Variants in PSD2 observed in about 807,000 individuals in gnomAD.
PSD2 encodes the protein PH and SEC7 domain-containing protein 2.
Under a neutral mutation model 69.8 loss-of-function variants are expected in PSD2, and 38 were observed. The observed-to-expected ratio is 0.54, with a 90% CI of 0.42 to 0.71. The LOEUF (loss-of-function observed/expected upper bound fraction) is 0.71. Ranked by LOEUF, PSD2 falls within the 30% of genes least tolerant of loss-of-function variation. PSD2 has a pLI of 0.00. For synonymous variants in PSD2, 412 were observed against 423.0 expected (o/e 0.97, Z 0.32); for missense variants, 943 against 1,014.5 (o/e 0.93, Z 0.96).
At chr5:139,835,554 T>A (rs971947688) in intron 8 of PSD2, among the ~76,000 whole-genome samples, 169 bp from the exon 9 acceptor site, 2 of 152,128 alleles carry the variant, frequency 1.3e-5, no homozygotes, top group African/African-American at 4.8e-5. Flanking sequence ...CATCCGTACA[T>A]CCACCCACCC....
Position 139,814,427 on chromosome 5 carries a change from G to A in PSD2, c.1016+63G>A. ...CCTCGTGTCTTCCTCAACCTGAAGA[G>A]GGTGTGGGTGACCTTCTTCAGGGGT... On this transcript the variant is annotated intron_variant, in intron 4 of 14. Transcript: ENST00000274710. The surrounding 1 kb of genome is among the most constrained non-coding windows in gnomAD (Gnocchi z 4.4). The A allele has an allele frequency of 1.4e-6, 2 of 1,453,420 alleles. No individual in the cohort carries two copies. The highest frequency in any genetic ancestry group is 1.4e-5 in the South Asian group (1 of 69,590). 90.0% of individuals were successfully genotyped at this position (1,453,420 alleles called of 1,614,324 possible).
At chr5:139,742,740 C>T in the PSD2 span, among the ~76,000 whole-genome samples, 1 of 152,250 alleles carries the variant, frequency 6.6e-6, no homozygotes, top group Non-Finnish European at 1.5e-5. Context: ...GTGAGTGTGC[C>T]ACATTGTGTG....
At chr5:139,746,459 C>T in the PSD2 span, among the ~76,000 whole-genome samples, 25 of 152,206 alleles carry the variant, frequency 1.6e-4, no homozygotes, top group Non-Finnish European at 2.9e-4. The surrounding 1 kb of genome is among the most constrained non-coding windows in gnomAD (Gnocchi z 4.5). Flanking sequence ...CTGCCGCAGG[C>T]TACCTGGGCC....
At chr5:139,834,269 G>A (rs928821223) in intron 8 of PSD2, among the ~76,000 whole-genome samples, 2 of 151,998 alleles carry the variant, frequency 1.3e-5, no homozygotes, top group Non-Finnish European at 2.9e-5. Flanking sequence ...TTGGTGGCTC[G>A]GTGATGGGCT....
At chr5:139,762,848 G>T in the PSD2 span, among the ~76,000 whole-genome samples, 3 of 152,158 alleles carry the variant, frequency 2.0e-5, no homozygotes, top group Admixed American at 2.0e-4. Flanking sequence ...AGAGAGGGGA[G>T]GCAAAGGTTG....
At chr5:139,840,326 A>T (rs1168168545) in intron 14 of PSD2, among the ~76,000 whole-genome samples, 156 bp downstream of exon 14, 2 of 152,174 alleles carry the variant, frequency 1.3e-5, no homozygotes, top group Non-Finnish European at 2.9e-5. Context: ...TTTAGTCCCC[A>T]GTCCTTCCAG....
the PSD2 span, among the ~76,000 whole-genome samples, chr5:139,747,118 A>C: frequency 6.8e-6 from 1 of 147,500 alleles, no homozygotes; most frequent in Non-Finnish European, 1.5e-5. The surrounding 1 kb of genome is among the most constrained non-coding windows in gnomAD (Gnocchi z 6.7). Context: ...CTCCATCTCC[A>C]TTTCTTTCTC....
chr5:139,825,911 T>A (rs974245541), intron 7 of PSD2, among the ~76,000 whole-genome samples: 1 of 152,168 alleles, frequency 6.6e-6, no homozygotes, highest in Non-Finnish European at 1.5e-5. Context: ...GGCCAAGTCC[T>A]GGGGCTCAGC....
upstream of PSD2, among the ~76,000 whole-genome samples, chr5:139,793,398 G>C (rs1010455092): frequency 6.6e-6 from 1 of 152,244 alleles, no homozygotes; most frequent in Non-Finnish European, 1.5e-5. Context: ...CCACTTGACG[G>C]AGGGGAAAGG....
upstream of PSD2, among the ~76,000 whole-genome samples, chr5:139,793,226 G>A (rs1339683879): frequency 1.3e-5 from 2 of 152,100 alleles, no homozygotes; most frequent in African/African-American, 4.8e-5. Flanking sequence ...TTACAGGCGT[G>A]AGCCACCATT....
chr5:139,833,407 C>G (rs1319817667), intron 7 of PSD2, among the ~76,000 whole-genome samples: 1 of 152,084 alleles, frequency 6.6e-6, no homozygotes, highest in Non-Finnish European at 1.5e-5. Flanking sequence ...AGCACAAGAC[C>G]TGGAACATAG....
At chr5:139,768,297 C>T in the PSD2 span, among the ~76,000 whole-genome samples, 2 of 152,204 alleles carry the variant, frequency 1.3e-5, no homozygotes, top group African/African-American at 4.8e-5. Context: ...CTCTGGACTC[C>T]AGGCTGAGAG....
chr5:139,793,572 C>T (rs1002352088), upstream of PSD2, among the ~76,000 whole-genome samples: 1 of 152,166 alleles, frequency 6.6e-6, no homozygotes, highest in African/African-American at 2.4e-5. Context: ...TGTGTGCCAG[C>T]CCAGCGCAAG....
the PSD2 span, among the ~76,000 whole-genome samples, chr5:139,762,448 C>T: frequency 6.6e-6 from 1 of 152,194 alleles, no homozygotes; most frequent in African/African-American, 2.4e-5. Flanking sequence ...TCAAACGATC[C>T]TCCCACCTCA....
At chr5:139,818,202 C>A (rs1025020707) in intron 5 of PSD2, among the ~76,000 whole-genome samples, 4 of 152,096 alleles carry the variant, frequency 2.6e-5, no homozygotes, top group African/African-American at 9.7e-5. Flanking sequence ...GTGACTCATG[C>A]ACGTTAGACA....
chr5:139,814,125 C>T lies in PSD2; in HGVS notation c.822-45C>T. 1.3e-6 allele frequency: 2 copies of T among 1,594,212 alleles called. No homozygotes were observed. Among genetic ancestry groups the T allele is most frequent in the East Asian group, 4.5e-5 (2 of 44,620 alleles). Reference sequence around the variant, plus strand: ...TCCCAGCCTCCTCTGGGGCCTTTGACCCTGGGCCTCTGACGCTACTCTTCC... The same window carrying T: ...TCCCAGCCTCCTCTGGGGCCTTTGATCCTGGGCCTCTGACGCTACTCTTCC... On this transcript the variant is annotated intron_variant, in intron 3 of 14. Transcript: ENST00000274710. The surrounding 1 kb of genome is among the most constrained non-coding windows in gnomAD (Gnocchi z 4.4).
the PSD2 span, among the ~76,000 whole-genome samples, chr5:139,748,400 C>T: frequency 3.9e-5 from 6 of 152,276 alleles, no homozygotes; most frequent in East Asian, 9.7e-4. Flanking sequence ...TACCCTAGGC[C>T]CCCGGTAATC....
At chr5:139,813,239 G>A (rs1760017707) in intron 2 of PSD2, 70 bp from the exon 3 acceptor site, 10 of 1,315,762 alleles carry the variant, frequency 7.6e-6, no homozygotes, top group Non-Finnish European at 1.0e-5. Context: ...AGACACAGAT[G>A]AGTGTAGTCA....
chr5:139,755,635 CTGTGTG>C, the PSD2 span, among the ~76,000 whole-genome samples: 11,055 of 146,258 alleles, frequency 0.076, 689 homozygotes, highest in African/African-American at 0.16. Flanking sequence ...TGCGGCCCTG[CTGTGTG>C]TGTGTGTGTG....
Sources: allele counts gnomAD v4.1 joint callset (sites outside exome capture counted in the v4.1 genomes callset), GRCh38; gene constraint gnomAD v4.1.1; non-coding constraint Gnocchi (gnomAD v3.1); transcripts MANE v1.5; gene names NCBI Gene and HGNC (gene_info 2026-07-23, HGNC 2026-07-21).